The following CAPZA1 variants were observed in gnomAD, a reference collection of about 807,000 sequenced individuals.
CAPZA1 encodes capping actin protein of muscle Z-line subunit alpha 1.
CAPZA1 carries 10 observed loss-of-function variants against 40.8 expected under a neutral mutation model. That is an observed-to-expected ratio of 0.25 (90% CI 0.15 to 0.42). CAPZA1 has a LOEUF of 0.42. CAPZA1 is among the 10% of genes least tolerant of loss of function. CAPZA1 has a pLI of 1.00. For missense variants in CAPZA1, 277 were observed against 353.8 expected, an observed-to-expected ratio of 0.78 and a Z score of 1.74; for synonymous variants, 98 against 115.0, an observed-to-expected ratio of 0.85 and a Z score of 0.95.
intron 1 of CAPZA1, among the ~76,000 whole-genome samples, chr1:112,637,561 C>T (rs1444786070): frequency 6.6e-6 from 1 of 152,240 alleles, no homozygotes; most frequent in Non-Finnish European, 1.5e-5. Flanking sequence ...GATCCTCCTG[C>T]CTCAACCTCC....
At chr1:112,640,217 G>T (rs1570709234) in intron 1 of CAPZA1, among the ~76,000 whole-genome samples, 1 of 117,318 alleles carries the variant, frequency 8.5e-6, no homozygotes, top group African/African-American at 3.3e-5. Flanking sequence ...CCGGCCAGCC[G>T]CCCCGTCCGG....
chr1:112,625,397 C>A (rs1417273859), intron 1 of CAPZA1, among the ~76,000 whole-genome samples: 2 of 152,060 alleles, frequency 1.3e-5, no homozygotes, highest in Non-Finnish European at 2.9e-5. Flanking sequence ...AAACACACAC[C>A]CAGGTGTGTG....
intron 7 of CAPZA1, among the ~76,000 whole-genome samples, chr1:112,662,704 T>C (rs1378597694): frequency 6.6e-6 from 1 of 151,498 alleles, no homozygotes; most frequent in Admixed American, 6.6e-5. Flanking sequence ...GGCCCTAGAA[T>C]TTTTCATTGA....
chr1:112,659,660 C>G, intron 6 of CAPZA1, 41 bp from the exon 7 acceptor site: 1 of 1,519,440 alleles, frequency 6.6e-7, no homozygotes, highest in Non-Finnish European at 9.1e-7. Context: ...CTTTCTTGTG[C>G]TTATTGCTAA....
chr1:112,639,451 G>A lies in CAPZA1; in HGVS notation c.40-7759G>A, dbSNP rs553571159. ...GCTTTTTAACTTAGAAAATGGAAGT[G>A]AGCTTTTAGTTTACCTTTTTCTTTC... On this transcript the variant is annotated intron_variant, in intron 1 of 9. Coordinates refer to ENST00000263168, the MANE Select transcript of CAPZA1 (RefSeq NM_006135.3). Among the ~76,000 whole-genome samples the A allele has an allele frequency of 3.3e-5, 5 of 152,250 alleles. 1 individual carries two copies. In the South Asian group the frequency reaches 1.0e-3, roughly 32 times the overall value.
At chr1:112,641,218 TA>T (rs60734941) in intron 1 of CAPZA1, among the ~76,000 whole-genome samples, 29,581 of 145,214 alleles carry the variant, frequency 0.2, 3,715 homozygotes, top group East Asian at 0.47. Context: ...GAATGATCAA[TA>T]AAAAAAAAAA....
intron 1 of CAPZA1, among the ~76,000 whole-genome samples, chr1:112,636,984 G>T (rs528953353): frequency 6.6e-6 from 1 of 152,272 alleles, no homozygotes; most frequent in South Asian, 2.1e-4. Context: ...TCTTTCACAA[G>T]CATAGCTTTG....
chr1:112,668,833 G>T (rs1031441402), intron 8 of CAPZA1, among the ~76,000 whole-genome samples: 8 of 152,154 alleles, frequency 5.3e-5, no homozygotes, highest in African/African-American at 1.9e-4. Flanking sequence ...ACATCATGTA[G>T]TTTCTAGGAA....
chr1:112,639,881 C>A (rs1671102546), intron 1 of CAPZA1, among the ~76,000 whole-genome samples: 1 of 139,118 alleles, frequency 7.2e-6, no homozygotes, highest in African/African-American at 2.6e-5. Flanking sequence ...GTCAGCCCCC[C>A]ACCCGGCCAG....
intron 1 of CAPZA1, among the ~76,000 whole-genome samples, chr1:112,636,407 C>T (rs1456336304): frequency 6.6e-6 from 1 of 152,044 alleles, no homozygotes; most frequent in Non-Finnish European, 1.5e-5. Flanking sequence ...TATTTTAAAT[C>T]CCCCCTTTTT....
At chr1:112,660,962 A>G (rs541057693) in intron 7 of CAPZA1, among the ~76,000 whole-genome samples, 1 of 148,592 alleles carries the variant, frequency 6.7e-6, no homozygotes, top group East Asian at 2.0e-4. Flanking sequence ...AGTTCAAGCA[A>G]TTCTCTTGCC....
chr1:112,660,699 A>C (rs755516550), intron 7 of CAPZA1, among the ~76,000 whole-genome samples: 2 of 152,208 alleles, frequency 1.3e-5, no homozygotes, highest in Non-Finnish European at 2.9e-5. Flanking sequence ...TTGACTTTCT[A>C]AACTCAGGGT....
At chr1:112,660,246 CAGA>C (rs1671578825) in intron 7 of CAPZA1, among the ~76,000 whole-genome samples, 1 of 151,584 alleles carries the variant, frequency 6.6e-6, no homozygotes, top group Non-Finnish European at 1.5e-5. Context: ...AATAGCCAAG[CAGA>C]AGTAGATTGA....
intron 1 of CAPZA1, among the ~76,000 whole-genome samples, chr1:112,623,896 A>T (rs1557724917): frequency 7.0e-6 from 1 of 142,748 alleles, no homozygotes. Flanking sequence ...GTCCCAGCTA[A>T]TCGGGAGGCT....
chr1:112,645,839 G>A (rs964701297), intron 1 of CAPZA1, among the ~76,000 whole-genome samples: 1 of 151,802 alleles, frequency 6.6e-6, no homozygotes, highest in African/African-American at 2.4e-5. Flanking sequence ...ATGAGTGCCT[G>A]TAGTCCCAGC....
At chr1:112,642,886 G>A (rs1671200863) in intron 1 of CAPZA1, among the ~76,000 whole-genome samples, 1 of 152,150 alleles carries the variant, frequency 6.6e-6, no homozygotes, top group African/African-American at 2.4e-5. Context: ...TGTTATATAA[G>A]TAGTATGTAA....
intron 3 of CAPZA1, among the ~76,000 whole-genome samples, chr1:112,650,176 G>A (rs1348250223): frequency 6.6e-6 from 1 of 152,122 alleles, no homozygotes; most frequent in African/African-American, 2.4e-5. Flanking sequence ...GGTAGGGATG[G>A]GGAGACAGGA....
intron 6 of CAPZA1, 115 bp from the exon 7 acceptor site, chr1:112,659,586 C>T (rs3013438): frequency 0.58 from 286,296 of 491,712 alleles, 57,434 homozygotes; most frequent in African/African-American, 0.74. Context: ...CTCTCTCTCT[C>T]TTTTTTTTTT....
In CAPZA1 at chr1:112,653,605, GC is replaced by G; in HGVS notation, c.166del (p.Gln56SerfsTer10). On this transcript the variant is annotated frameshift_variant, in exon 4 of 10. Coordinates refer to ENST00000263168, the MANE Select transcript of CAPZA1 (RefSeq NM_006135.3). LOFTEE classifies it high-confidence loss of function. ...LLREGAAHAF[A>X]QYNMDQFTPV... Reference sequence around the variant, plus strand: ...ACTTTTAAAAAAAAACAGTGCATTTGCCCAGTATAACATGGATCAGTTCACG... The same window carrying G: ...ACTTTTAAAAAAAAACAGTGCATTTGCCAGTATAACATGGATCAGTTCACG... The G allele has an allele frequency of 6.6e-7, 1 of 1,507,782 alleles. No individual in the cohort carries two copies. The highest frequency in any genetic ancestry group is 8.8e-7 in the Non-Finnish European group (1 of 1,130,504). The allele number at this position is 1,507,782 out of a possible 1,614,324, so 93.4% of individuals were successfully genotyped here. A position where few individuals can be genotyped will look rare whatever the true frequency, so the allele number is the denominator to read the frequency against.
Sources: allele counts gnomAD v4.1 joint callset (sites outside exome capture counted in the v4.1 genomes callset), GRCh38; gene constraint gnomAD v4.1.1; transcripts MANE v1.5; gene names NCBI Gene and HGNC (gene_info 2026-07-23, HGNC 2026-07-21).